Variants in PCDH15 observed in about 807,000 individuals in gnomAD.
The protein encoded by PCDH15 is protocadherin related 15, also known as protocadherin-15.
Under a neutral mutation model 178.5 loss-of-function variants are expected in PCDH15, and 129 were observed. That is an observed-to-expected ratio of 0.72 (90% CI 0.63 to 0.84). PCDH15 has a LOEUF of 0.84. PCDH15 is among the 40% of genes least tolerant of loss of function. PCDH15 has a pLI of 0.00. For synonymous variants in PCDH15, 800 were observed against 732.0 expected (o/e 1.09, Z -1.50); for missense variants, 2,230 against 2,099.9 (o/e 1.06, Z -1.21).
chr10:54,387,603 C>T (rs913473444), intron 3 of PCDH15, among the ~76,000 whole-genome samples: 2 of 152,130 alleles, frequency 1.3e-5, no homozygotes, highest in African/African-American at 4.8e-5. Flanking sequence ...TCAGGCCTCT[C>T]AAAGTATCAA....
At chr10:54,267,588 C>G (rs1034159787) in intron 8 of PCDH15, among the ~76,000 whole-genome samples, 4 of 151,702 alleles carry the variant, frequency 2.6e-5, no homozygotes, top group African/African-American at 7.2e-5. Flanking sequence ...TTAAGATAGG[C>G]AATCAACATA....
intron 15 of PCDH15, among the ~76,000 whole-genome samples, chr10:54,095,956 C>T (rs138076959): frequency 0.029 from 4,375 of 152,152 alleles, 78 homozygotes; most frequent in Middle Eastern, 0.048. Flanking sequence ...TTCAAAATGA[C>T]GCATCCAAAT....
intron 1 of PCDH15, among the ~76,000 whole-genome samples, chr10:55,313,236 C>A (rs180789009): frequency 5.9e-5 from 9 of 152,134 alleles, no homozygotes; most frequent in African/African-American, 2.2e-4. Context: ...TGTTTAGAAC[C>A]TTAAAATATT....
chr10:54,628,578 A>T (rs996667286), intron 2 of PCDH15, among the ~76,000 whole-genome samples: 1 of 152,164 alleles, frequency 6.6e-6, no homozygotes, highest in Non-Finnish European at 1.5e-5. Flanking sequence ...AATTCGTCTA[A>T]ATTTAAGCAT....
chr10:55,528,333 G>C (rs1035394093), intron 2 of PCDH15, among the ~76,000 whole-genome samples: 4 of 151,764 alleles, frequency 2.6e-5, no homozygotes, highest in Admixed American at 2.0e-4. Context: ...CCCATTAACT[G>C]CTCATTTACA....
At chr10:54,659,206 C>A (rs781455304) in intron 2 of PCDH15, among the ~76,000 whole-genome samples, 1 of 151,996 alleles carries the variant, frequency 6.6e-6, no homozygotes, top group African/African-American at 2.4e-5. Context: ...GGTGACAGCA[C>A]CAGATAGATT....
At chr10:54,190,204 C>G (rs1055565703) in intron 11 of PCDH15, among the ~76,000 whole-genome samples, 1 of 152,100 alleles carries the variant, frequency 6.6e-6, no homozygotes, top group African/African-American at 2.4e-5. Flanking sequence ...TTGTCCCCTT[C>G]TTGGCATTTA....
chr10:55,016,714 A>C (rs1564718956), intron 2 of PCDH15, among the ~76,000 whole-genome samples: 1 of 152,156 alleles, frequency 6.6e-6, no homozygotes, highest in Non-Finnish European at 1.5e-5. Flanking sequence ...TAAACACAGA[A>C]GTGTGGACAT....
chr10:55,526,231 A>T (rs1032770590), intron 2 of PCDH15, among the ~76,000 whole-genome samples: 1 of 151,986 alleles, frequency 6.6e-6, no homozygotes, highest in Admixed American at 6.6e-5. Flanking sequence ...ATAGATAATC[A>T]ACACAATTCT....
intron 29 of PCDH15, among the ~76,000 whole-genome samples, chr10:53,838,016 G>A (rs972193362): frequency 4.0e-5 from 6 of 150,880 alleles, no homozygotes; most frequent in Non-Finnish European, 8.9e-5. Flanking sequence ...TTGCTCTCTT[G>A]CCCAGGATGG....
At chr10:54,400,590 G>A (rs1951808280) in intron 3 of PCDH15, among the ~76,000 whole-genome samples, 1 of 152,050 alleles carries the variant, frequency 6.6e-6, no homozygotes, top group Non-Finnish European at 1.5e-5. Context: ...ATATGCATAA[G>A]AAATTAATAT....
intron 3 of PCDH15, among the ~76,000 whole-genome samples, chr10:54,825,717 G>T (rs1349335063): frequency 1.3e-5 from 2 of 152,016 alleles, no homozygotes; most frequent in Admixed American, 6.6e-5. Context: ...TTTTGATGGG[G>T]TTGTTTGTTT....
In PCDH15 at chr10:54,576,042, T is replaced by TAAAC. The variant is rs6143913; in HGVS notation, c.92-48169_92-48166dup. ...AGATACATATCTTTTACCTTGTTAT[T>TAAAC]AAACAAACAAACAAACAAACAAACA... is the stretch of plus-strand genomic sequence containing the variant. On this transcript the variant is annotated intron_variant, in intron 2 of 37. Coordinates refer to ENST00000644397, the MANE Select transcript of PCDH15 (RefSeq NM_001384140.1). Among the ~76,000 whole-genome samples, 277 of 151,720 alleles carry TAAAC rather than the reference T, an allele frequency of 1.8e-3. 1 individual carries two copies. The highest frequency in any genetic ancestry group is 6.5e-3 in the African/African-American group (270 of 41,310).
At chr10:55,593,550 T>C (rs1842883516) in intron 2 of PCDH15, among the ~76,000 whole-genome samples, 1 of 151,882 alleles carries the variant, frequency 6.6e-6, no homozygotes, top group South Asian at 2.1e-4. Context: ...GTTTTAGCTC[T>C]AAGATATAAA....
At chr10:54,533,989 T>C (rs2084214721) in intron 2 of PCDH15, among the ~76,000 whole-genome samples, 1 of 152,118 alleles carries the variant, frequency 6.6e-6, no homozygotes, top group Non-Finnish European at 1.5e-5. Context: ...ATTTAACCTC[T>C]TGTATTTCAT....
intron 2 of PCDH15, among the ~76,000 whole-genome samples, chr10:54,636,848 T>C (rs1022995842): frequency 6.6e-6 from 1 of 152,068 alleles, no homozygotes; most frequent in Admixed American, 6.6e-5. Context: ...TGCCCTATTA[T>C]TTTCCAGTAC....
chr10:54,029,049 C>T (rs2093215334), intron 18 of PCDH15, among the ~76,000 whole-genome samples: 1 of 152,122 alleles, frequency 6.6e-6, no homozygotes. Context: ...AAATGCAGAG[C>T]TATTTCCTTA....
intron 7 of PCDH15, among the ~76,000 whole-genome samples, chr10:54,327,131 C>A (rs1422812692): frequency 1.3e-5 from 2 of 151,866 alleles, no homozygotes; most frequent in Non-Finnish European, 2.9e-5. Flanking sequence ...AAACTAGACA[C>A]CAATTCAGAA....
intron 13 of PCDH15, among the ~76,000 whole-genome samples, chr10:54,182,022 A>ATCTTGGT (rs146505161): frequency 0.042 from 6,385 of 152,180 alleles, 223 homozygotes; most frequent in African/African-American, 0.086. Flanking sequence ...CAGTGGCGCC[A>ATCTTGGT]TCTTGGTTCA....
Sources: gnomAD v4.1 joint callset for allele counts (sites outside exome capture counted in the v4.1 genomes callset) on GRCh38, gnomAD v4.1.1 for gene constraint, MANE v1.5 for transcripts, NCBI Gene and HGNC (gene_info 2026-07-23, HGNC 2026-07-21) for gene names.